DDX59: variants seen among roughly 807,000 people sequenced by gnomAD.
DDX59 encodes the protein DEAD-box helicase 59, also known as probable ATP-dependent RNA helicase DDX59.
A neutral mutation model predicts 51.9 loss-of-function variants in DDX59; 30 were observed. The ratio of observed to expected loss-of-function variants is 0.58; its 90% CI spans 0.43 to 0.78. The LOEUF (loss-of-function observed/expected upper bound fraction) is 0.78. Among genes scored for constraint, DDX59 ranks in the 30% least tolerant of loss-of-function variants. The pLI, the probability that DDX59 is intolerant of heterozygous loss-of-function variation, is 0.00. For missense variants in DDX59, 672 were observed against 730.8 expected (o/e 0.92, Z 0.93); for synonymous variants, 255 against 253.3 (o/e 1.01, Z -0.06).
At chr1:200,654,827 T>TCCTC (rs1661911807) in intron 4 of DDX59, 1 of 152,266 alleles carries the variant, frequency 6.6e-6, no homozygotes, top group Non-Finnish European at 1.5e-5. Flanking sequence ...TGCATCTTCA[T>TCCTC]CCTCCTCTTG....
At chr1:200,662,415 G>A (rs906338841) in intron 3 of DDX59, among the ~76,000 whole-genome samples, 1 of 152,122 alleles carries the variant, frequency 6.6e-6, no homozygotes, top group African/African-American at 2.4e-5. Flanking sequence ...TGTGCTTTGG[G>A]AGGCCGAGGC....
In DDX59 at chr1:200,644,186, A is replaced by G. The variant is rs1194160712; in HGVS notation, c.*68T>C. On this transcript the variant is annotated 3_prime_UTR_variant, in exon 8 of 8. Transcript: ENST00000331314. The stretch of plus-strand genomic sequence containing the variant: ...ATTTTTAAAATTCATGTACATTTCC[A>G]TTTATGCAAACCATAATTTTTTGCT... The G allele has an allele frequency of 3.3e-6, 4 of 1,223,446 alleles. No homozygotes were observed. The African/African-American group carries it at 4.7e-5, about 14-fold the overall frequency. The allele number at this position is 1,223,446 out of a possible 1,614,324, so 75.8% of individuals were successfully genotyped here.
Position 200,655,359 on chromosome 1 carries a change from G to A in DDX59, c.1062+3668C>T, listed in dbSNP as rs557076794. 2.3e-4 allele frequency among the ~76,000 whole-genome samples: 31 copies of A among 136,742 alleles called. No homozygotes were observed. The South Asian group carries it at 6.3e-3, about 28-fold the overall frequency. 89.7% of individuals were successfully genotyped at this position (136,742 alleles called of 152,430 possible). ...CTGTGACTCCTACTGCCTCCACCGT[G>A]TGACCCCTTACCCCTGTCTGGATTG... On this transcript the variant is annotated intron_variant, in intron 4 of 7. Transcript: ENST00000331314.
chr1:200,649,732 T>G (rs1661533117), intron 5 of DDX59, among the ~76,000 whole-genome samples: 1 of 152,028 alleles, frequency 6.6e-6, no homozygotes, highest in South Asian at 2.1e-4. Flanking sequence ...CTATTGCCCC[T>G]CTTAATTTTC....
chr1:200,667,672 T>C (rs1471693125), intron 1 of DDX59, among the ~76,000 whole-genome samples: 1 of 152,184 alleles, frequency 6.6e-6, no homozygotes, highest in Non-Finnish European at 1.5e-5. Context: ...TACTTCACAA[T>C]TAGAATCTTT....
chr1:200,664,573 C>T (rs568493041), intron 2 of DDX59, among the ~76,000 whole-genome samples: 56 of 152,236 alleles, frequency 3.7e-4, no homozygotes, highest in Non-Finnish European at 5.9e-4. Context: ...TTCCAGCATG[C>T]GTGACCTATA....
At chr1:200,658,956 G>A (rs1662204490) in intron 4 of DDX59, 71 bp downstream of exon 4, 2 of 1,305,284 alleles carry the variant, frequency 1.5e-6, no homozygotes, top group Non-Finnish European at 2.2e-6. Flanking sequence ...AACATACAAT[G>A]AAATTATATA....
intron 5 of DDX59, among the ~76,000 whole-genome samples, chr1:200,650,138 C>G (rs1661565793): frequency 6.6e-6 from 1 of 152,080 alleles, no homozygotes; most frequent in Non-Finnish European, 1.5e-5. Flanking sequence ...GCCACCGCAC[C>G]CAGCCCTTCT....
At chr1:200,642,592 G>A (rs1439654013), downstream of DDX59, among the ~76,000 whole-genome samples, 1 of 152,202 alleles carries the variant, frequency 6.6e-6, no homozygotes, top group African/African-American at 2.4e-5. Flanking sequence ...CAAGGAAGTT[G>A]CCAAAGGAAA....
intron 7 of DDX59, among the ~76,000 whole-genome samples, chr1:200,646,351 CA>C (rs900814006): frequency 7.5e-5 from 11 of 147,176 alleles, no homozygotes; most frequent in South Asian, 6.4e-4. Flanking sequence ...AACAAACAAA[CA>C]AAAAAAAAAC....
At chr1:200,656,051 C>T (rs1306373064) in intron 4 of DDX59, among the ~76,000 whole-genome samples, 1 of 152,120 alleles carries the variant, frequency 6.6e-6, no homozygotes, top group Non-Finnish European at 1.5e-5. Flanking sequence ...GCTGGTCTTG[C>T]ACTCCTGACC....
Position 200,663,965 on chromosome 1 carries a change from CCCCCTA to C in DDX59, c.920_925del (p.Val307_Gly308del). The C allele has an allele frequency of 6.2e-7, 1 of 1,614,110 alleles. No homozygotes were observed. The highest frequency in any genetic ancestry group is 1.1e-5 in the South Asian group (1 of 91,080). ...ATAAAGCTGTGGGGGTAAGGGTAAGCCCCCTACAAGAAGCACAGTTTTCATGCGTGG... is the reference window on the plus strand; with the variant it reads ...ATAAAGCTGTGGGGGTAAGGGTAAGCCAAGAAGCACAGTTTTCATGCGTGG... On this transcript the variant is annotated inframe_deletion, in exon 3 of 8. Transcript: ENST00000331314.
chr1:200,641,036 G>GTA, downstream of DDX59: 1 of 486,186 alleles, frequency 2.1e-6, no homozygotes, highest in South Asian at 1.8e-5. Context: ...TGAGGTCATT[G>GTA]TAAGTATGCC....
chr1:200,645,665 GAAAC>G (rs1446581334), intron 7 of DDX59, among the ~76,000 whole-genome samples: 1 of 152,098 alleles, frequency 6.6e-6, no homozygotes, highest in Non-Finnish European at 1.5e-5. Flanking sequence ...AATATACTAA[GAAAC>G]TCTTCAAAAG....
intron 7 of DDX59, 90 bp downstream of exon 7, chr1:200,648,349 A>G: frequency 6.4e-7 from 1 of 1,561,356 alleles, no homozygotes; most frequent in Non-Finnish European, 8.7e-7. Context: ...CCTGGCCGAT[A>G]CTGCTTTCTT....
intron 3 of DDX59, 25 bp downstream of exon 3, chr1:200,663,894 G>C (rs1374039255): frequency 6.6e-7 from 1 of 1,506,672 alleles, no homozygotes; most frequent in Non-Finnish European, 8.9e-7. Flanking sequence ...ACTTTTCAAA[G>C]ACATTGTATC....
downstream of DDX59, among the ~76,000 whole-genome samples, chr1:200,643,260 T>C (rs1045594511): frequency 2.6e-5 from 4 of 151,850 alleles, no homozygotes; most frequent in African/African-American, 4.8e-5. Context: ...CACTCCAGTA[T>C]AGGGTGACAG....
intron 4 of DDX59, among the ~76,000 whole-genome samples, chr1:200,657,262 A>G (rs1191197275): frequency 7.1e-6 from 1 of 141,750 alleles, no homozygotes; most frequent in African/African-American, 2.6e-5. Context: ...AAAAAAAAAA[A>G]AAAAAAAAAA....
At chr1:200,647,971 C>CAA (rs1425056666) in intron 7 of DDX59, among the ~76,000 whole-genome samples, 44 of 85,184 alleles carry the variant, frequency 5.2e-4, no homozygotes, top group Non-Finnish European at 7.7e-4. Context: ...GAGACTGTCT[C>CAA]AAAAAAAAAA....
Sources: gnomAD v4.1 joint callset for allele counts (sites outside exome capture counted in the v4.1 genomes callset) on GRCh38, gnomAD v4.1.1 for gene constraint, MANE v1.5 for transcripts, NCBI Gene and HGNC (gene_info 2026-07-23, HGNC 2026-07-21) for gene names.